The following RGS7 variants were observed in gnomAD, a reference collection of about 807,000 sequenced individuals.
The protein encoded by RGS7 is regulator of G protein signaling 7.
Under a neutral mutation model 81.1 loss-of-function variants are expected in RGS7, and 27 were observed. The observed-to-expected ratio is 0.33, with a 90% CI of 0.25 to 0.46. The LOEUF is 0.46. Among genes scored for constraint, RGS7 ranks in the 20% least tolerant of loss-of-function variants. The pLI, the probability that RGS7 is intolerant of heterozygous loss-of-function variation, is 1.00. For missense variants in RGS7, 396 were observed against 607.4 expected (o/e 0.65, Z 3.66); for synonymous variants, 208 against 207.7 (o/e 1.00, Z -0.01).
intron 2 of RGS7, among the ~76,000 whole-genome samples, chr1:241,103,758 CA>C (rs2064926243): frequency 6.6e-6 from 1 of 152,098 alleles, no homozygotes; most frequent in Non-Finnish European, 1.5e-5. Flanking sequence ...CCTGTGATCC[CA>C]GCTACCCAGG....
intron 6 of RGS7, chr1:240,919,833 T>C (rs1172476595): frequency 3.9e-6 from 3 of 774,000 alleles, no homozygotes; most frequent in African/African-American, 1.7e-5. Flanking sequence ...GTTTGTCACA[T>C]AGGCCACTGT....
At chr1:241,077,228 A>G (rs779142651) in intron 3 of RGS7, among the ~76,000 whole-genome samples, 2 of 152,220 alleles carry the variant, frequency 1.3e-5, no homozygotes, top group Non-Finnish European at 2.9e-5. Context: ...GGAAGTTAGA[A>G]CAAAATCTTA....
intron 2 of RGS7, among the ~76,000 whole-genome samples, chr1:241,177,039 C>T (rs560278814): frequency 7.7e-4 from 117 of 152,212 alleles, no homozygotes; most frequent in Non-Finnish European, 1.4e-3. Flanking sequence ...CTGCTGTGTG[C>T]TCTGCTTGAT....
intron 6 of RGS7, among the ~76,000 whole-genome samples, chr1:240,882,211 G>A (rs1389364995): frequency 1.3e-5 from 2 of 152,044 alleles, no homozygotes; most frequent in Non-Finnish European, 2.9e-5. Context: ...CACCGTGCCC[G>A]GCCTGTGCAA....
chr1:240,847,326 G>GTATT (rs1352276546), intron 9 of RGS7, among the ~76,000 whole-genome samples: 1 of 152,162 alleles, frequency 6.6e-6, no homozygotes, highest in East Asian at 1.9e-4. Context: ...TGTAGGGTAA[G>GTATT]TATTTATTTT....
intron 3 of RGS7, among the ~76,000 whole-genome samples, chr1:240,999,932 G>T (rs989460711): frequency 6.6e-6 from 1 of 152,066 alleles, no homozygotes; most frequent in Admixed American, 6.5e-5. Context: ...TTGAAAGCTG[G>T]ACATCTTTGT....
At chr1:241,344,190 G>A (rs1156293249) in intron 2 of RGS7, among the ~76,000 whole-genome samples, 1 of 152,138 alleles carries the variant, frequency 6.6e-6, no homozygotes, top group African/African-American at 2.4e-5. Flanking sequence ...TGTGCATGAA[G>A]GTTCTTTATA....
chr1:240,982,003 G>T (rs148063387), intron 4 of RGS7, among the ~76,000 whole-genome samples: 1 of 152,274 alleles, frequency 6.6e-6, no homozygotes, highest in Non-Finnish European at 1.5e-5. Flanking sequence ...TCACTGTAAT[G>T]CCAGCTTTTC....
chr1:241,206,605 T>C (rs1239217910), intron 2 of RGS7, among the ~76,000 whole-genome samples: 3 of 152,218 alleles, frequency 2.0e-5, no homozygotes, highest in Admixed American at 1.3e-4. Flanking sequence ...CGTGAGAAGA[T>C]GGAACTGCCA....
chr1:241,006,806 C>T (rs2058706031), intron 3 of RGS7, among the ~76,000 whole-genome samples: 1 of 152,138 alleles, frequency 6.6e-6, no homozygotes, highest in Non-Finnish European at 1.5e-5. Flanking sequence ...AAGACCAACC[C>T]CTCCTCTTCA....
At chr1:241,176,647 G>T (rs573856119) in intron 2 of RGS7, among the ~76,000 whole-genome samples, 10 of 152,102 alleles carry the variant, frequency 6.6e-5, no homozygotes, top group Non-Finnish European at 1.2e-4. Flanking sequence ...GCTGCATTTG[G>T]GGTAGTCAAA....
intron 3 of RGS7, among the ~76,000 whole-genome samples, chr1:241,030,121 G>A (rs1017315040): frequency 6.6e-6 from 1 of 152,000 alleles, no homozygotes; most frequent in African/African-American, 2.4e-5. Context: ...CTGATGCTTG[G>A]CAATTTACTT....
chr1:241,169,356 T>C (rs980618889), intron 2 of RGS7, among the ~76,000 whole-genome samples: 4 of 139,304 alleles, frequency 2.9e-5, no homozygotes, highest in African/African-American at 1.1e-4. Context: ...TTTTTTTTTT[T>C]TTTTTGAGAC....
At position 240,972,552 on chromosome 1, in the gene RGS7, G is replaced by C. The variant is rs1186511308; in HGVS notation, c.226+10527C>G. Among the ~76,000 whole-genome samples, 7 of 97,244 alleles carry C rather than the reference G, an allele frequency of 7.2e-5. No individual in the cohort carries two copies. The East Asian group carries it at 1.2e-3, about 16-fold the overall frequency. 63.8% of individuals were successfully genotyped at this position (97,244 alleles called of 152,430 possible). ...CACACTCTGGGGACTGTGGTGGGGTGGGGGGAGGGGGGAGGGATAGCATTG... is the reference window on the plus strand; with the variant it reads ...CACACTCTGGGGACTGTGGTGGGGTCGGGGGAGGGGGGAGGGATAGCATTG... On this transcript the variant is annotated intron_variant, in intron 4 of 18. Transcript: ENST00000440928.
intron 5 of RGS7, among the ~76,000 whole-genome samples, chr1:240,935,430 A>G (rs1041788390): frequency 6.6e-6 from 1 of 152,220 alleles, no homozygotes; most frequent in African/African-American, 2.4e-5. Flanking sequence ...TTTGCTGTAT[A>G]AAGAATAAAG....
chr1:240,838,195 A>G (rs112181080), intron 9 of RGS7, among the ~76,000 whole-genome samples: 75 of 152,322 alleles, frequency 4.9e-4, no homozygotes, highest in African/African-American at 1.7e-3. Context: ...GGTGAGGGTC[A>G]CTTTTCAGTT....
In RGS7 at chr1:241,108,756, C is replaced by T. The variant is rs150658020; in HGVS notation, c.79-9994G>A. 4.5e-3 allele frequency among the ~76,000 whole-genome samples: 679 copies of T among 152,206 alleles called. 5 individuals carry two copies. Among genetic ancestry groups the T allele is most frequent in the South Asian group, 0.018 (88 of 4,826 alleles). On this transcript the variant is annotated intron_variant, in intron 2 of 18. Transcript: ENST00000440928. ...AAAGGAAAGGAGGAGGCAGAGCACA[C>T]GAATACTTTAATCAATTGCTTCATC...
intron 3 of RGS7, among the ~76,000 whole-genome samples, chr1:241,036,910 T>A (rs1170021221): frequency 6.6e-6 from 1 of 152,122 alleles, no homozygotes; most frequent in Admixed American, 6.6e-5. Context: ...CTAACAAGAA[T>A]GGTGATTGTG....
At chr1:241,034,983 A>C (rs1184292107) in intron 3 of RGS7, among the ~76,000 whole-genome samples, 2 of 152,134 alleles carry the variant, frequency 1.3e-5, no homozygotes, top group Non-Finnish European at 2.9e-5. Context: ...TAAGATTAAT[A>C]GATAATTAGG....
Sources: allele counts gnomAD v4.1 joint callset (sites outside exome capture counted in the v4.1 genomes callset), GRCh38; gene constraint gnomAD v4.1.1; transcripts MANE v1.5; gene names NCBI Gene and HGNC (gene_info 2026-07-23, HGNC 2026-07-21).